Variants in MYT1L observed in about 807,000 individuals in gnomAD.
The protein encoded by MYT1L is myelin transcription factor 1 like, also known as myelin transcription factor 1-like protein.
In MYT1L, 12 loss-of-function variants were observed where a neutral mutation model predicts 126.7. That is an observed-to-expected ratio of 0.09 (90% CI 0.06 to 0.15). MYT1L has a LOEUF of 0.15. Among genes scored for constraint, MYT1L ranks in the 10% least tolerant of loss-of-function variants. The probability of loss-of-function intolerance (pLI) is 1.00; values close to 1 mark genes in which losing one functional copy is unlikely to be tolerated. For synonymous variants in MYT1L, 541 were observed against 604.2 expected (o/e 0.90, Z 1.53); for missense variants, 979 against 1,585.2 (o/e 0.62, Z 6.49).
At chr2:1,858,699 A>G (rs1227560272) in intron 18 of MYT1L, among the ~76,000 whole-genome samples, 2 of 152,240 alleles carry the variant, frequency 1.3e-5, no homozygotes, top group Non-Finnish European at 2.9e-5. Context: ...CGGAAAGGCA[A>G]TTCTTGTAAA....
chr2:1,819,132 C>G (rs572015531), intron 21 of MYT1L, among the ~76,000 whole-genome samples: 1 of 152,326 alleles, frequency 6.6e-6, no homozygotes, highest in South Asian at 2.1e-4. Flanking sequence ...GGGAGTCCAC[C>G]TGCCTCCTGC....
At chr2:2,004,385 G>GCGTTCTTTCCTGAATA (rs2062886600) in intron 4 of MYT1L, among the ~76,000 whole-genome samples, 1 of 138,102 alleles carries the variant, frequency 7.2e-6, no homozygotes, top group Non-Finnish European at 1.5e-5. Flanking sequence ...TTTCCTGCAG[G>GCGTTCTTTCCTGAATA]CGTTCTTTCC....
chr2:2,246,951 G>A (rs1373197594), intron 2 of MYT1L, among the ~76,000 whole-genome samples: 1 of 152,114 alleles, frequency 6.6e-6, no homozygotes, highest in Non-Finnish European at 1.5e-5. Context: ...GTTGTGACTT[G>A]GACAATTCCG....
Position 1,886,472 on chromosome 2 carries a change from T to C in MYT1L, c.2711+67A>G, listed in dbSNP as rs973916189. On this transcript the variant is annotated intron_variant, in intron 18 of 24. Transcript: ENST00000647738. ...GACATTTTTCTTTGCAAATGACATA[T>C]CATTTTTTTTTGTGAACTACTGAGT... The C allele has an allele frequency of 3.4e-5, 41 of 1,197,202 alleles. No individual in the cohort carries two copies. In the African/African-American group the frequency reaches 4.7e-4, roughly 14 times the overall value. 74.2% of individuals were successfully genotyped at this position (1,197,202 alleles called of 1,614,324 possible). A position where few individuals can be genotyped will look rare whatever the true frequency, so the allele number is the denominator to read the frequency against.
At chr2:2,087,808 A>G (rs2076502416) in intron 3 of MYT1L, among the ~76,000 whole-genome samples, 1 of 152,236 alleles carries the variant, frequency 6.6e-6, no homozygotes. Flanking sequence ...AAAGACCATG[A>G]CATTCAAAAC....
At chr2:2,248,227 C>T (rs776956020) in intron 2 of MYT1L, among the ~76,000 whole-genome samples, 4 of 151,750 alleles carry the variant, frequency 2.6e-5, no homozygotes, top group Admixed American at 6.6e-5. Flanking sequence ...ATATTCAAAG[C>T]ATCATTAATG....
intron 21 of MYT1L, among the ~76,000 whole-genome samples, chr2:1,830,441 T>C (rs1452340240): frequency 6.6e-6 from 1 of 152,056 alleles, no homozygotes; most frequent in Non-Finnish European, 1.5e-5. Context: ...GTCTGGAAGA[T>C]AAGGAGGCAT....
Position 2,278,423 on chromosome 2 carries a change from G to C in MYT1L, c.-421+5981C>G, listed in dbSNP as rs73914911. On this transcript the variant is annotated intron_variant, in intron 2 of 24. Coordinates refer to ENST00000647738, the MANE Select transcript of MYT1L (RefSeq NM_001303052.2). ...GCATTTATTGTAACTTTTAAGTATG[G>C]AGAATTATAAAGAGACACAAAATTT... Among the ~76,000 whole-genome samples, 673 of 152,276 alleles carry C rather than the reference G, an allele frequency of 4.4e-3. 2 individuals carry two copies. Among genetic ancestry groups the C allele is most frequent in the African/African-American group, 0.015 (640 of 41,540 alleles).
chr2:2,268,361 G>C, intron 2 of MYT1L, among the ~76,000 whole-genome samples: 1 of 152,088 alleles, frequency 6.6e-6, no homozygotes, highest in East Asian at 1.9e-4. Flanking sequence ...ATCAACATGG[G>C]GGAACAGAGT....
intron 15 of MYT1L, among the ~76,000 whole-genome samples, chr2:1,891,761 T>C (rs925757283): frequency 3.3e-5 from 5 of 152,214 alleles, no homozygotes; most frequent in Admixed American, 3.3e-4. Context: ...ACAGAAATGC[T>C]TCTGGATCCT....
At chr2:2,323,134 G>A in intron 1 of MYT1L, among the ~76,000 whole-genome samples, 1 of 152,114 alleles carries the variant, frequency 6.6e-6, no homozygotes, top group African/African-American at 2.4e-5. Flanking sequence ...AGCTTCACAT[G>A]AAGGGTTAAT....
At chr2:2,185,517 C>T (rs1451391001) in intron 2 of MYT1L, among the ~76,000 whole-genome samples, 4 of 138,716 alleles carry the variant, frequency 2.9e-5, no homozygotes, top group Non-Finnish European at 6.1e-5. Flanking sequence ...TCCCGAGTCC[C>T]GCGTTCCTTC....
chr2:1,923,208 A>G lies in MYT1L; in HGVS notation c.561T>C (p.Asp187=), dbSNP rs939944457. ...NTRIMQDTEK[D]DNNNDEYDNY... ...TGTCATATTCGTCATTATTGTTATC[A>G]TCCTTTTCTGTGTCTTGCATTATTC... Residue 187 remains aspartate, a synonymous_variant, in exon 10 of 25, where the codon GAT becomes GAC. Coordinates refer to ENST00000647738, the MANE Select transcript of MYT1L (RefSeq NM_001303052.2). 6.2e-7 allele frequency: 1 copy of G among 1,612,678 alleles called. No homozygotes were observed. The highest frequency in any genetic ancestry group is 1.3e-5 in the African/African-American group (1 of 74,900).
chr2:2,290,584 A>G (rs1228457600), intron 1 of MYT1L, among the ~76,000 whole-genome samples: 1 of 152,354 alleles, frequency 6.6e-6, no homozygotes, highest in Non-Finnish European at 1.5e-5. Flanking sequence ...TTTAAGAACT[A>G]CAGGTTAAAA....
chr2:2,176,975 A>T (rs1345014453), intron 2 of MYT1L, among the ~76,000 whole-genome samples: 2 of 152,194 alleles, frequency 1.3e-5, no homozygotes, highest in Non-Finnish European at 2.9e-5. Flanking sequence ...CATGTACCTA[A>T]AGCCACAATT....
At chr2:1,826,557 G>GT (rs1276679872) in intron 21 of MYT1L, among the ~76,000 whole-genome samples, 1 of 152,106 alleles carries the variant, frequency 6.6e-6, no homozygotes, top group Non-Finnish European at 1.5e-5. Context: ...CGAGACAGAT[G>GT]TTGAATCTGA....
Position 2,142,131 on chromosome 2 carries a change from G to A in MYT1L, c.-304+30741C>T, listed in dbSNP as rs181857234. On this transcript the variant is annotated intron_variant, in intron 3 of 24. Transcript: ENST00000647738. Reference sequence around the variant, plus strand: ...TCTCTCATATGACACAAAATTACACGGCTGTTGTCCCCCTTTCTCGCCTGT... The same window carrying A: ...TCTCTCATATGACACAAAATTACACAGCTGTTGTCCCCCTTTCTCGCCTGT... Among the ~76,000 whole-genome samples, 460 of 152,020 alleles carry A rather than the reference G, an allele frequency of 3.0e-3. 3 individuals are homozygous for A. The highest frequency in any genetic ancestry group is 0.011 in the African/African-American group (439 of 41,464).
chr2:2,092,163 T>A lies in MYT1L; in HGVS notation c.-303-38040A>T, dbSNP rs531537561. ...TTAGGTTTCAACATGCCTTCCTTAC[T>A]AAGCTTAATCATTTCTAGCTTTAAA... On this transcript the variant is annotated intron_variant, in intron 3 of 24. Coordinates refer to ENST00000647738, the MANE Select transcript of MYT1L (RefSeq NM_001303052.2). Among the ~76,000 whole-genome samples, 52 of 152,370 alleles carry A rather than the reference T, an allele frequency of 3.4e-4. 1 individual carries two copies. In the South Asian group the frequency reaches 0.011, roughly 32 times the overall value.
At chr2:2,097,207 A>C (rs1307008933) in intron 3 of MYT1L, among the ~76,000 whole-genome samples, 1 of 151,794 alleles carries the variant, frequency 6.6e-6, no homozygotes, top group East Asian at 1.9e-4. Context: ...TGCAGCAGGA[A>C]CTCCCTCTGC....
Sources: gnomAD v4.1 joint callset for allele counts (sites outside exome capture counted in the v4.1 genomes callset) on GRCh38, gnomAD v4.1.1 for gene constraint, MANE v1.5 for transcripts, NCBI Gene and HGNC (gene_info 2026-07-23, HGNC 2026-07-21) for gene names.